Variants in GRM5 observed in about 807,000 individuals in gnomAD.
GRM5 encodes the protein metabotropic glutamate receptor 5.
GRM5 carries 19 observed loss-of-function variants against 83.1 expected under a neutral mutation model. The observed-to-expected ratio is 0.23, with a 90% CI of 0.16 to 0.34. The LOEUF is 0.34. GRM5 is among the 10% of genes least tolerant of loss of function. The pLI, the probability that GRM5 is intolerant of heterozygous loss-of-function variation, is 1.00. For synonymous variants in GRM5, 675 were observed against 633.6 expected (o/e 1.07, Z -0.98); for missense variants, 1,160 against 1,588.3 (o/e 0.73, Z 4.58).
intron 7 of GRM5, among the ~76,000 whole-genome samples, chr11:88,577,674 T>C (rs1315870273): frequency 1.3e-5 from 2 of 152,088 alleles, no homozygotes; most frequent in African/African-American, 4.8e-5. Context: ...AAGGAAACTA[T>C]TTTCTGTTGG....
At chr11:88,744,300 A>G (rs959839406) in intron 3 of GRM5, among the ~76,000 whole-genome samples, 2 of 152,196 alleles carry the variant, frequency 1.3e-5, no homozygotes, top group African/African-American at 4.8e-5. Flanking sequence ...ATACATTACA[A>G]ACAGACAGGG....
Position 88,983,760 on chromosome 11 carries a change from A to G in GRM5, c.661+63452T>C, listed in dbSNP as rs187656124. Among the ~76,000 whole-genome samples, 337 of 152,160 alleles carry G rather than the reference A, an allele frequency of 2.2e-3. 1 individual carries two copies. The highest frequency in any genetic ancestry group is 4.2e-3 in the Non-Finnish European group (287 of 68,006). On this transcript the variant is annotated intron_variant, in intron 2 of 9. Transcript: ENST00000305447. ...GTAAAACAGCCCCAGGCAATCTATC[A>G]GGACGTATTCCAGAATAAGGCATTT...
At chr11:88,865,139 T>C (rs1216693242) in intron 2 of GRM5, among the ~76,000 whole-genome samples, 1 of 151,594 alleles carries the variant, frequency 6.6e-6, no homozygotes, top group Non-Finnish European at 1.5e-5. Flanking sequence ...CCCAAAGTAA[T>C]TTGTAGATTC....
At chr11:88,732,628 C>A (rs1591474849) in intron 3 of GRM5, among the ~76,000 whole-genome samples, 2 of 152,022 alleles carry the variant, frequency 1.3e-5, no homozygotes, top group South Asian at 2.1e-4. Context: ...GTTTCTTTTC[C>A]TGCTGTTCAG....
At chr11:89,001,451 G>A (rs969646840) in intron 2 of GRM5, among the ~76,000 whole-genome samples, 10 of 151,974 alleles carry the variant, frequency 6.6e-5, no homozygotes, top group African/African-American at 1.9e-4. Flanking sequence ...AGCCAAACCC[G>A]GAAAGTCATA....
At chr11:88,980,996 A>C (rs1183867035) in intron 2 of GRM5, among the ~76,000 whole-genome samples, 1 of 143,290 alleles carries the variant, frequency 7.0e-6, no homozygotes, top group Non-Finnish European at 1.6e-5. Flanking sequence ...TTAAAACTAA[A>C]ATAGTCCCTA....
Position 88,871,711 on chromosome 11 carries a change from A to G in GRM5, c.662-21556T>C, listed in dbSNP as rs573534869. Reference sequence around the variant, plus strand: ...ACCCTAGCATATTAAGGAAGTTTTTATTCATGTAATATTTTCATTCTTCAG... The same window carrying G: ...ACCCTAGCATATTAAGGAAGTTTTTGTTCATGTAATATTTTCATTCTTCAG... On this transcript the variant is annotated intron_variant, in intron 2 of 9. Transcript: ENST00000305447. Among the ~76,000 whole-genome samples the G allele has an allele frequency of 2.6e-5, 4 of 151,712 alleles. No homozygotes were observed. The East Asian group carries it at 7.8e-4, about 29-fold the overall frequency.
chr11:88,993,020 AAAAT>A (rs143441966), intron 2 of GRM5, among the ~76,000 whole-genome samples: 6,256 of 151,178 alleles, frequency 0.041, 436 homozygotes, highest in African/African-American at 0.14. Flanking sequence ...TATAATAAAT[AAAAT>A]AAATAAAATA....
At chr11:88,863,230 T>C (rs7119914) in intron 2 of GRM5, among the ~76,000 whole-genome samples, 4,711 of 152,182 alleles carry the variant, frequency 0.031, 249 homozygotes, top group African/African-American at 0.11. Context: ...AGAGTCGAAA[T>C]GTCATTTGAC....
intron 3 of GRM5, among the ~76,000 whole-genome samples, chr11:88,779,344 T>G (rs1210940575): frequency 6.6e-6 from 1 of 152,168 alleles, no homozygotes; most frequent in African/African-American, 2.4e-5. Flanking sequence ...ATGGTAATAT[T>G]TGCTCTAAAG....
intron 4 of GRM5, among the ~76,000 whole-genome samples, chr11:88,649,546 T>C (rs887152228): frequency 6.8e-6 from 1 of 147,952 alleles, no homozygotes; most frequent in Non-Finnish European, 1.5e-5. Context: ...TTGCTAATTT[T>C]ATTTGCTATA....
At position 88,970,671 on chromosome 11, in the gene GRM5, C is replaced by G. The variant is rs1010278148; in HGVS notation, c.661+76541G>C. Among the ~76,000 whole-genome samples, 3 of 152,176 alleles carry G rather than the reference C, an allele frequency of 2.0e-5. No individual in the cohort carries two copies. In the South Asian group the frequency reaches 6.2e-4, roughly 31 times the overall value. On this transcript the variant is annotated intron_variant, in intron 2 of 9. Coordinates refer to ENST00000305447, the MANE Select transcript of GRM5 (RefSeq NM_001143831.3). ...CATGTCAGGGCCCACTTTGGGCCAA[C>G]GCATTGGTATGATGAGTGTCACATA...
Position 88,856,193 on chromosome 11 carries a change from G to A in GRM5, c.662-6038C>T, listed in dbSNP as rs556890232. 2.6e-5 allele frequency among the ~76,000 whole-genome samples: 4 copies of A among 152,078 alleles called. No homozygotes were observed. The South Asian group carries it at 8.3e-4, about 32-fold the overall frequency. ...TGGCTTTAACTACTAATATCCTGTT[G>A]CTACTGTAAACACAGTTCATTTTAC... On this transcript the variant is annotated intron_variant, in intron 2 of 9. Transcript: ENST00000305447.
chr11:88,965,979 A>G (rs1323745454), intron 2 of GRM5, among the ~76,000 whole-genome samples: 1 of 152,202 alleles, frequency 6.6e-6, no homozygotes, highest in Non-Finnish European at 1.5e-5. Flanking sequence ...TGAAACTTTC[A>G]TCATGACAGA....
At chr11:88,519,567 T>C (rs996736687) in intron 9 of GRM5, among the ~76,000 whole-genome samples, 2 of 152,140 alleles carry the variant, frequency 1.3e-5, no homozygotes, top group East Asian at 3.8e-4. Flanking sequence ...TGACACAGTG[T>C]CTCATGTATC....
chr11:89,037,600 C>T (rs1409031194), intron 2 of GRM5, among the ~76,000 whole-genome samples: 2 of 152,048 alleles, frequency 1.3e-5, no homozygotes, highest in Non-Finnish European at 2.9e-5. Flanking sequence ...AGTTGAGGGA[C>T]TTTGGACAAG....
intron 8 of GRM5, among the ~76,000 whole-genome samples, chr11:88,539,591 C>T (rs973668961): frequency 6.6e-6 from 1 of 152,164 alleles, no homozygotes; most frequent in Non-Finnish European, 1.5e-5. Flanking sequence ...AATATTTGTC[C>T]TGTTTCCTCC....
chr11:88,664,983 C>A (rs72639201), intron 3 of GRM5, among the ~76,000 whole-genome samples: 3,143 of 152,146 alleles, frequency 0.021, 88 homozygotes, highest in East Asian at 0.12. Flanking sequence ...CCACATGAGG[C>A]AACTGTAGCT....
intron 3 of GRM5, among the ~76,000 whole-genome samples, chr11:88,798,825 A>AAAAAAAAAAAAAAAAAC (rs777932007): frequency 2.1e-5 from 3 of 145,294 alleles, no homozygotes; most frequent in Admixed American, 7.8e-5. Context: ...AAAAAAAAAA[A>AAAAAAAAAAAAAAAAAC]AACAACAACA....
Sources: gnomAD v4.1 joint callset for allele counts (sites outside exome capture counted in the v4.1 genomes callset) on GRCh38, gnomAD v4.1.1 for gene constraint, MANE v1.5 for transcripts, NCBI Gene and HGNC (gene_info 2026-07-23, HGNC 2026-07-21) for gene names.